Variants in GALNT1 observed in about 807,000 individuals in gnomAD.
The protein encoded by GALNT1 is GalNAc transferase 1.
In GALNT1, 17 loss-of-function variants were observed where a neutral mutation model predicts 65.7. The observed-to-expected ratio is 0.26, with a 90% CI of 0.18 to 0.39. GALNT1 has a LOEUF of 0.39. Ranked by LOEUF, GALNT1 falls within the 10% of genes least tolerant of loss-of-function variation. The pLI, the probability that GALNT1 is intolerant of heterozygous loss-of-function variation, is 1.00. For synonymous variants in GALNT1, 210 were observed against 219.7 expected (o/e 0.96, Z 0.39); for missense variants, 460 against 672.8 (o/e 0.68, Z 3.50).
chr18:35,676,259 C>T (rs919344742), intron 3 of GALNT1, among the ~76,000 whole-genome samples: 2 of 152,028 alleles, frequency 1.3e-5, no homozygotes, highest in Admixed American at 6.5e-5. Context: ...TAGTAGGAGA[C>T]GGAGACCATC....
chr18:35,624,626 C>A (rs1274881891), intron 1 of GALNT1, among the ~76,000 whole-genome samples: 2 of 151,966 alleles, frequency 1.3e-5, no homozygotes, highest in African/African-American at 2.4e-5. Context: ...ATTTTAAATT[C>A]CTTTCTCATT....
At chr18:35,667,821 G>A (rs143585329) in intron 3 of GALNT1, among the ~76,000 whole-genome samples, 4 of 152,220 alleles carry the variant, frequency 2.6e-5, no homozygotes, top group East Asian at 1.9e-4. Flanking sequence ...AAGGCATATC[G>A]TACCAATATC....
chr18:35,608,297 C>CT lies in GALNT1; in HGVS notation c.-104+26439dup, dbSNP rs2046676175. ...ATGCAATTGATTAGATTATGTTGATCTTTTACTTTGCATGCTTATTAAATT... is the reference window on the plus strand; with the variant it reads ...ATGCAATTGATTAGATTATGTTGATCTTTTTACTTTGCATGCTTATTAAATT... On this transcript the variant is annotated intron_variant, in intron 1 of 11. Coordinates refer to ENST00000269195, the MANE Select transcript of GALNT1 (RefSeq NM_020474.4). Among the ~76,000 whole-genome samples the CT allele has an allele frequency of 3.3e-5, 5 of 152,092 alleles. No individual in the cohort carries two copies. In the East Asian group the frequency reaches 9.7e-4, roughly 29 times the overall value.
At chr18:35,664,395 A>T (rs1352819474) in intron 3 of GALNT1, 1 of 152,160 alleles carries the variant, frequency 6.6e-6, no homozygotes, top group Admixed American at 6.5e-5. Context: ...TCAGAATTTT[A>T]TTCTTTTCTA....
intron 3 of GALNT1, among the ~76,000 whole-genome samples, chr18:35,672,455 A>G (rs866262726): frequency 2.4e-4 from 36 of 152,192 alleles, no homozygotes; most frequent in African/African-American, 8.4e-4. Context: ...GGTGGAAGGA[A>G]GAATGGTGTG....
At chr18:35,630,722 A>T (rs1031725531) in intron 1 of GALNT1, among the ~76,000 whole-genome samples, 1 of 152,218 alleles carries the variant, frequency 6.6e-6, no homozygotes, top group African/African-American at 2.4e-5. Flanking sequence ...ACTAAAGGAG[A>T]TAGAGACACA....
At chr18:35,632,690 A>C (rs941729228) in intron 1 of GALNT1, among the ~76,000 whole-genome samples, 9 of 152,202 alleles carry the variant, frequency 5.9e-5, no homozygotes, top group Non-Finnish European at 7.3e-5. Context: ...AAAAGACAAA[A>C]TTGACAAATG....
intron 3 of GALNT1, among the ~76,000 whole-genome samples, chr18:35,664,981 G>A (rs2047527396): frequency 1.3e-5 from 2 of 152,314 alleles, no homozygotes; most frequent in Non-Finnish European, 2.9e-5. Flanking sequence ...GCACTTTAGT[G>A]CTGATTGACT....
intron 1 of GALNT1, among the ~76,000 whole-genome samples, chr18:35,647,190 T>C (rs1480039247): frequency 1.3e-5 from 2 of 152,260 alleles, no homozygotes; most frequent in African/African-American, 4.8e-5. Context: ...CCTCAAACCA[T>C]GTCTTTCTTA....
At chr18:35,660,459 A>G (rs1024752649) in intron 2 of GALNT1, among the ~76,000 whole-genome samples, 4 of 152,202 alleles carry the variant, frequency 2.6e-5, no homozygotes, top group Admixed American at 2.0e-4. Flanking sequence ...TTGTTCTCAC[A>G]TAATACTTTG....
chr18:35,679,498 C>T (rs555601321), intron 4 of GALNT1, among the ~76,000 whole-genome samples: 54 of 152,246 alleles, frequency 3.5e-4, no homozygotes, highest in African/African-American at 1.2e-3. Context: ...ATGCAGCCCT[C>T]ACCCAACACC....
chr18:35,666,559 AC>A (rs1390328046), intron 3 of GALNT1, among the ~76,000 whole-genome samples: 3 of 152,116 alleles, frequency 2.0e-5, no homozygotes, highest in African/African-American at 7.2e-5. Context: ...CATTTTAATA[AC>A]CCCCCTAAGT....
chr18:35,648,060 A>G (rs2047255618), intron 1 of GALNT1, among the ~76,000 whole-genome samples: 1 of 140,192 alleles, frequency 7.1e-6, no homozygotes, highest in Admixed American at 7.1e-5. Context: ...GGAAGGGAGG[A>G]AGTGAGGAAG....
chr18:35,644,997 A>G (rs1483084616), intron 1 of GALNT1, among the ~76,000 whole-genome samples: 1 of 151,938 alleles, frequency 6.6e-6, no homozygotes, highest in African/African-American at 2.4e-5. Context: ...TCTCAAAATA[A>G]ATAAATAAGT....
chr18:35,630,651 A>C lies in GALNT1; in HGVS notation c.-103-23909A>C, dbSNP rs555231446. 5.3e-5 allele frequency among the ~76,000 whole-genome samples: 8 copies of C among 152,356 alleles called. No homozygotes were observed. The South Asian group carries it at 8.3e-4, about 16-fold the overall frequency. On this transcript the variant is annotated intron_variant, in intron 1 of 11. Coordinates refer to ENST00000269195, the MANE Select transcript of GALNT1 (RefSeq NM_020474.4). ...ACATCACAATTAAAAGAACTAGAGA[A>C]GCAAGAGCAAACACATTCAAAAGCT... is the stretch of plus-strand genomic sequence containing the variant.
At chr18:35,600,404 G>C (rs2046566533) in intron 1 of GALNT1, among the ~76,000 whole-genome samples, 1 of 152,012 alleles carries the variant, frequency 6.6e-6, no homozygotes, top group African/African-American at 2.4e-5. Context: ...TTTGATTATT[G>C]GTTCTAGTAG....
chr18:35,582,257 C>T (rs1414473310), intron 1 of GALNT1, among the ~76,000 whole-genome samples: 2 of 152,110 alleles, frequency 1.3e-5, no homozygotes, highest in African/African-American at 2.4e-5. Flanking sequence ...ACGCCGGCAG[C>T]GGGGGAGGGG....
At chr18:35,648,424 C>T (rs886964951) in intron 1 of GALNT1, among the ~76,000 whole-genome samples, 1 of 152,182 alleles carries the variant, frequency 6.6e-6, no homozygotes, top group Non-Finnish European at 1.5e-5. Context: ...GCATTTTCGA[C>T]TTTCGACTTA....
intron 1 of GALNT1, among the ~76,000 whole-genome samples, chr18:35,633,871 C>A (rs980745563): frequency 3.3e-5 from 5 of 152,104 alleles, no homozygotes; most frequent in Non-Finnish European, 7.4e-5. Flanking sequence ...TAAATAAGGA[C>A]CAGTTTCAGA....
Sources: gnomAD v4.1 joint callset for allele counts (sites outside exome capture counted in the v4.1 genomes callset) on GRCh38, gnomAD v4.1.1 for gene constraint, MANE v1.5 for transcripts, NCBI Gene and HGNC (gene_info 2026-07-23, HGNC 2026-07-21) for gene names.